AHCTF1: variants seen among roughly 807,000 people sequenced by gnomAD.
The protein encoded by AHCTF1 is protein ELYS.
In AHCTF1, 24 loss-of-function variants were observed where a neutral mutation model predicts 248.4. That is an observed-to-expected ratio of 0.10 (90% CI 0.07 to 0.14). The LOEUF (loss-of-function observed/expected upper bound fraction) is 0.14, where lower values mean the gene tolerates loss of function less well. AHCTF1 is among the 10% of genes least tolerant of loss of function. The probability of loss-of-function intolerance (pLI) is 1.00; values close to 1 mark genes in which losing one functional copy is unlikely to be tolerated. For missense variants in AHCTF1, 2,206 were observed against 2,636.2 expected (o/e 0.84, Z 3.57); for synonymous variants, 786 against 929.8 (o/e 0.85, Z 2.81).
At chr1:246,859,885 T>C (rs1156880963) in intron 29 of AHCTF1, among the ~76,000 whole-genome samples, 1 of 152,106 alleles carries the variant, frequency 6.6e-6, no homozygotes, top group Admixed American at 6.6e-5. Flanking sequence ...CAGTGATTAT[T>C]TTGGAGGTGA....
In AHCTF1 at chr1:246,920,077, T is replaced by C. The variant is rs143991448; in HGVS notation, c.-7-1700A>G. 1.1e-3 allele frequency among the ~76,000 whole-genome samples: 154 copies of C among 140,264 alleles called. 3 individuals are homozygous for C. The East Asian group carries it at 0.029, about 27-fold the overall frequency. 92.0% of individuals were successfully genotyped at this position (140,264 alleles called of 152,430 possible). A position where few individuals can be genotyped will look rare whatever the true frequency, so the allele number is the denominator to read the frequency against. On this transcript the variant is annotated intron_variant, in intron 1 of 35. Transcript: ENST00000648844. ...AGAATTGCTTGAACCCAGGAGGCAG[T>C]TGCAGTGAGCCGAGATTGTGCAACT... is the stretch of plus-strand genomic sequence containing the variant.
At chr1:246,897,473 G>A (rs1304246969) in intron 12 of AHCTF1, among the ~76,000 whole-genome samples, 6 of 152,130 alleles carry the variant, frequency 3.9e-5, no homozygotes, top group African/African-American at 7.2e-5. Flanking sequence ...GATACATTCC[G>A]ATGAATGTTT....
chr1:246,872,780 CT>C (rs1662688925), intron 24 of AHCTF1, among the ~76,000 whole-genome samples: 1 of 152,116 alleles, frequency 6.6e-6, no homozygotes, highest in Non-Finnish European at 1.5e-5. Context: ...ATGATTGAAC[CT>C]TCGAAGTGTG....
At chr1:246,871,011 A>G (rs535606254) in intron 24 of AHCTF1, among the ~76,000 whole-genome samples, 1 of 152,332 alleles carries the variant, frequency 6.6e-6, no homozygotes, top group East Asian at 1.9e-4. Context: ...CTGCGCTCCC[A>G]CTGTAGCCTT....
At chr1:246,912,790 T>C (rs1165551833) in intron 4 of AHCTF1, among the ~76,000 whole-genome samples, 4 of 152,242 alleles carry the variant, frequency 2.6e-5, no homozygotes. Flanking sequence ...TAATATTTTA[T>C]TTCTATCTTG....
In AHCTF1 at chr1:246,902,601, A is replaced by T; in HGVS notation, c.1041T>A (p.Ser347Arg). Residue 347 changes from serine (S) to arginine (R), a missense_variant, in exon 8 of 36, where the codon AGT becomes AGA. Physicochemically the swap from Ser to Arg is moderately radical, Grantham distance 110. Transcript: ENST00000648844. ...TCTGGCATCCCAACAATTTGGTATT[A>T]CTCGTCTGTCCCCTCAAAGGGAACA... The part of the protein sequence containing the change: ...GGMFPLRGQT[S>R]NTKLLGCQSI... 1 of 1,612,618 alleles carries T rather than the reference A, an allele frequency of 6.2e-7. No individual in the cohort carries two copies.
chr1:246,918,164 C>A, intron 2 of AHCTF1, 86 bp downstream of exon 2: 1 of 1,231,028 alleles, frequency 8.1e-7, no homozygotes, highest in South Asian at 2.7e-5. Context: ...TTTCTTCTTC[C>A]ACATAAAGAA....
At chr1:246,915,578 C>T (rs1572461739) in intron 3 of AHCTF1, among the ~76,000 whole-genome samples, 3 of 152,100 alleles carry the variant, frequency 2.0e-5, no homozygotes, top group East Asian at 3.9e-4. Context: ...GTTCCAAGTG[C>T]TTAAATTTAT....
Position 246,927,095 on chromosome 1 carries a change from G to A in AHCTF1, c.-8+4483C>T, listed in dbSNP as rs181398266. Among the ~76,000 whole-genome samples the A allele has an allele frequency of 8.6e-3, 1,278 of 148,686 alleles. 13 individuals are homozygous for A. The highest frequency in any genetic ancestry group is 0.03 in the African/African-American group (1,191 of 40,284). On this transcript the variant is annotated intron_variant, in intron 1 of 35. Transcript: ENST00000648844. ...CGGGAGGCTGAGGAGGGAGAATGGC[G>A]TGAACCCGGGAGGCGGAGCTTGCAG...
chr1:246,908,662 C>A (rs962558951), intron 4 of AHCTF1, among the ~76,000 whole-genome samples: 1 of 147,216 alleles, frequency 6.8e-6, no homozygotes, highest in African/African-American at 2.5e-5. Context: ...CCAAGGTGGG[C>A]GGATCACAAG....
chr1:246,900,421 A>G lies in AHCTF1; in HGVS notation c.1166T>C (p.Ile389Thr). ...SVSVFTWQVN[I>T]YGQGKPSVYL... ...TACAGAAGGCTTTCCCTGTCCATAT[A>G]TATTCACCTGCCAGGTAAAGACTGA... Residue 389 changes from isoleucine (I) to threonine (T), a missense_variant, in exon 9 of 36, where the codon ATA becomes ACA. This residue lies in a region of AHCTF1 where 650 missense variants were observed against 870.8 expected (regional missense o/e 0.75). Coordinates refer to ENST00000648844, the MANE Select transcript of AHCTF1 (RefSeq NM_001323342.2). 6.3e-7 allele frequency: 1 copy of G among 1,599,294 alleles called. No individual in the cohort carries two copies. The highest frequency in any genetic ancestry group is 2.2e-5 in the East Asian group (1 of 44,774).
chr1:246,853,047 A>G, intron 32 of AHCTF1, 44 bp downstream of exon 32: 1 of 1,483,964 alleles, frequency 6.7e-7, no homozygotes. Context: ...AACTAAACCA[A>G]AACTGAAAGA....
At chr1:246,866,911 A>G (rs546745763) in intron 26 of AHCTF1, among the ~76,000 whole-genome samples, 50 of 152,294 alleles carry the variant, frequency 3.3e-4, no homozygotes, top group African/African-American at 1.1e-3. Flanking sequence ...TGAGCTACCC[A>G]AGATTAATCT....
Position 246,898,322 on chromosome 1 carries a change from T to A in AHCTF1, c.1509A>T (p.Leu503Phe). 6.2e-7 allele frequency: 1 copy of A among 1,613,132 alleles called. No individual in the cohort carries two copies. Among genetic ancestry groups the A allele is most frequent in the Non-Finnish European group, 8.5e-7 (1 of 1,179,718 alleles). ...CATTGAGTGATGGACCTGATTTCTTTAAAAAAGTCAAAGTCTGTAACAGAT... is the reference window on the plus strand; with the variant it reads ...CATTGAGTGATGGACCTGATTTCTTAAAAAAAGTCAAAGTCTGTAACAGAT... ...TGFQKETLTF[L>F]KKSGPSLNEL... is the part of the protein sequence containing the mutation. Residue 503 changes from leucine to phenylalanine, a missense_variant, in exon 12 of 36, where the codon TTA becomes TTT. Physicochemically the swap from Leu to Phe is conservative, Grantham distance 22. This residue lies in a region of AHCTF1 where 650 missense variants were observed against 870.8 expected (regional missense o/e 0.75). Coordinates refer to ENST00000648844, the MANE Select transcript of AHCTF1 (RefSeq NM_001323342.2).
chr1:246,847,362 T>C (rs973269349), intron 33 of AHCTF1, among the ~76,000 whole-genome samples: 1 of 151,900 alleles, frequency 6.6e-6, no homozygotes, highest in East Asian at 1.9e-4. Flanking sequence ...GCAGAATATA[T>C]GCACGTACAT....
chr1:246,907,335 G>GA (rs954895574), intron 5 of AHCTF1, among the ~76,000 whole-genome samples: 8 of 151,774 alleles, frequency 5.3e-5, no homozygotes, highest in Non-Finnish European at 7.4e-5. Flanking sequence ...AATAAACACT[G>GA]AAAAAAAATA....
At chr1:246,865,487 A>G (rs10924861) in intron 26 of AHCTF1, among the ~76,000 whole-genome samples, 34,682 of 152,096 alleles carry the variant, frequency 0.23, 4,645 homozygotes, top group East Asian at 0.34. Flanking sequence ...GCTGCTAGAC[A>G]TTTCTTTTCT....
chr1:246,916,415 C>T lies in AHCTF1; in HGVS notation c.122-20G>A, dbSNP rs372460109. On this transcript the variant is annotated intron_variant, in intron 2 of 35. Transcript: ENST00000648844. ...TTTTCCCTAGAAGAAAAAAAAATTGCCTATTTTAATATTGTATATACACAA... is the reference window on the plus strand; with the variant it reads ...TTTTCCCTAGAAGAAAAAAAAATTGTCTATTTTAATATTGTATATACACAA... The T allele has an allele frequency of 4.5e-5, 72 of 1,600,440 alleles. No homozygotes were observed. The highest frequency in any genetic ancestry group is 5.8e-5 in the Non-Finnish European group (68 of 1,174,940).
chr1:246,907,497 G>T, intron 5 of AHCTF1, 54 bp downstream of exon 5: 1 of 1,484,390 alleles, frequency 6.7e-7, no homozygotes, highest in Non-Finnish European at 9.3e-7. Context: ...ATGAGTACAA[G>T]CTATATGCAA....
Sources: allele counts gnomAD v4.1 joint callset (sites outside exome capture counted in the v4.1 genomes callset), GRCh38; gene constraint gnomAD v4.1.1; regional missense constraint gnomAD v4.1.1; transcripts MANE v1.5; gene names NCBI Gene and HGNC (gene_info 2026-07-23, HGNC 2026-07-21).